The following MICU2 variants were observed in gnomAD, a reference collection of about 807,000 sequenced individuals.
The protein encoded by MICU2 is calcium uptake protein 2, mitochondrial.
Under a neutral mutation model 60.4 loss-of-function variants are expected in MICU2, and 64 were observed. The ratio of observed to expected loss-of-function variants is 1.06; its 90% CI spans 0.87 to 1.31. The LOEUF is 1.31. MICU2 is among the 50% of genes most tolerant of loss of function. The probability of loss-of-function intolerance (pLI) is 0.00; values close to 1 mark genes in which losing one functional copy is unlikely to be tolerated. For missense variants in MICU2, 569 were observed against 531.0 expected, an observed-to-expected ratio of 1.07 and a Z score of -0.70; for synonymous variants, 201 against 175.0, an observed-to-expected ratio of 1.15 and a Z score of -1.17.
At chr13:21,525,675 G>A (rs1288164256) in intron 4 of MICU2, among the ~76,000 whole-genome samples, 1 of 151,628 alleles carries the variant, frequency 6.6e-6, no homozygotes, top group Non-Finnish European at 1.5e-5. Context: ...GATGATTAGT[G>A]ACGTTGAGTA....
intron 2 of MICU2, among the ~76,000 whole-genome samples, chr13:21,557,764 T>G (rs541288980): frequency 3.3e-5 from 5 of 152,210 alleles, no homozygotes; most frequent in African/African-American, 1.2e-4. Flanking sequence ...ATCACATGCA[T>G]AAAGGATGTA....
At chr13:21,549,006 A>C (rs1479677081) in intron 2 of MICU2, among the ~76,000 whole-genome samples, 7 of 141,200 alleles carry the variant, frequency 5.0e-5, no homozygotes, top group African/African-American at 1.8e-4. Flanking sequence ...GGTTCACCGC[A>C]AGCTCTGCCT....
chr13:21,589,786 TAGTG>T (rs35010533), intron 1 of MICU2, among the ~76,000 whole-genome samples: 51,376 of 151,630 alleles, frequency 0.34, 9,109 homozygotes, highest in South Asian at 0.4. Context: ...ACTCACCCCG[TAGTG>T]CACTCTCTTT....
At chr13:21,539,220 C>A in intron 4 of MICU2, 82 bp downstream of exon 4, 1 of 1,257,160 alleles carries the variant, frequency 8.0e-7, no homozygotes. Flanking sequence ...TAACATGGTA[C>A]AAATCTCATA....
intron 2 of MICU2, among the ~76,000 whole-genome samples, chr13:21,560,253 A>C (rs2138031239): frequency 6.6e-6 from 1 of 152,136 alleles, no homozygotes; most frequent in Non-Finnish European, 1.5e-5. Context: ...CTTTAACCTA[A>C]GGAGACAGAT....
At chr13:21,522,141 T>A (rs1886733878) in intron 5 of MICU2, among the ~76,000 whole-genome samples, 1 of 152,236 alleles carries the variant, frequency 6.6e-6, no homozygotes, top group South Asian at 2.1e-4. Flanking sequence ...ACTATCGACT[T>A]AATCTGGGTT....
intron 1 of MICU2, among the ~76,000 whole-genome samples, chr13:21,591,681 CCACAGTG>C (rs1888587332): frequency 6.6e-6 from 1 of 152,144 alleles, no homozygotes; most frequent in Non-Finnish European, 1.5e-5. Flanking sequence ...CTCTCTCAGA[CCACAGTG>C]CAATCAAATT....
chr13:21,518,997 A>C (rs1886650131), intron 6 of MICU2, among the ~76,000 whole-genome samples: 1 of 152,204 alleles, frequency 6.6e-6, no homozygotes, highest in Admixed American at 6.5e-5. Context: ...ACTGACCTAC[A>C]CAATTTCAGA....
intron 6 of MICU2, among the ~76,000 whole-genome samples, chr13:21,515,134 T>G (rs905659825): frequency 6.6e-6 from 1 of 151,390 alleles, no homozygotes; most frequent in Non-Finnish European, 1.5e-5. Flanking sequence ...CAGGCTGGAG[T>G]GCAGTGGCAC....
At chr13:21,518,644 T>A (rs1444358179) in intron 6 of MICU2, among the ~76,000 whole-genome samples, 1 of 152,218 alleles carries the variant, frequency 6.6e-6, no homozygotes, top group African/African-American at 2.4e-5. Flanking sequence ...ACAGCTTAAC[T>A]AACCTAACAG....
intron 1 of MICU2, among the ~76,000 whole-genome samples, chr13:21,583,282 A>C (rs184914418): frequency 1.2e-3 from 183 of 152,346 alleles, no homozygotes; most frequent in Non-Finnish European, 1.4e-3. Flanking sequence ...AAAAAGTTGC[A>C]GTATTAAATA....
intron 2 of MICU2, among the ~76,000 whole-genome samples, chr13:21,540,053 A>T (rs1887244054): frequency 6.6e-6 from 1 of 152,152 alleles, no homozygotes; most frequent in South Asian, 2.1e-4. Context: ...ACTTTCATTG[A>T]TTTAGAAAAA....
intron 2 of MICU2, among the ~76,000 whole-genome samples, chr13:21,556,333 TG>T (rs1029249370): frequency 1.1e-4 from 16 of 152,304 alleles, no homozygotes; most frequent in Middle Eastern, 3.4e-3. Flanking sequence ...TCTGCTTTCC[TG>T]GTTTTCTTCC....
intron 4 of MICU2, among the ~76,000 whole-genome samples, chr13:21,532,369 ATTAC>A (rs1404230301): frequency 3.3e-5 from 5 of 152,206 alleles, no homozygotes; most frequent in Non-Finnish European, 5.9e-5. Flanking sequence ...CCTCAAAAAT[ATTAC>A]TTGTCAATAA....
At chr13:21,525,181 A>ATTTTTTTTTTT (rs71093324) in intron 4 of MICU2, among the ~76,000 whole-genome samples, 2 of 83,300 alleles carry the variant, frequency 2.4e-5, no homozygotes, top group African/African-American at 1.0e-4. Context: ...GTGTAATTCA[A>ATTTTTTTTTTT]TTTTTTTTTT....
chr13:21,587,698 T>C (rs760730499), intron 1 of MICU2, among the ~76,000 whole-genome samples: 1 of 152,200 alleles, frequency 6.6e-6, no homozygotes, highest in East Asian at 1.9e-4. Flanking sequence ...TGGACACTCT[T>C]ACCATTCATT....
intron 4 of MICU2, among the ~76,000 whole-genome samples, chr13:21,523,250 A>C (rs986720087): frequency 2.0e-5 from 3 of 152,160 alleles, no homozygotes; most frequent in African/African-American, 7.2e-5. Context: ...GCATGAGCCA[A>C]TTCTTCACAG....
chr13:21,575,832 A>G (rs1034272168), intron 1 of MICU2, among the ~76,000 whole-genome samples: 38 of 152,130 alleles, frequency 2.5e-4, no homozygotes, highest in African/African-American at 9.2e-4. Flanking sequence ...CTATAACTAA[A>G]TAACATTTTT....
chr13:21,536,647 G>T (rs1593332107), intron 4 of MICU2, among the ~76,000 whole-genome samples: 2 of 152,254 alleles, frequency 1.3e-5, no homozygotes, highest in Non-Finnish European at 2.9e-5. Context: ...AATTAATGTT[G>T]ATTTGAGAAT....
Sources: allele counts gnomAD v4.1 joint callset (sites outside exome capture counted in the v4.1 genomes callset), GRCh38; gene constraint gnomAD v4.1.1; transcripts MANE v1.5; gene names NCBI Gene and HGNC (gene_info 2026-07-23, HGNC 2026-07-21).